ZBTB16: variants seen among roughly 807,000 people sequenced by gnomAD.
The protein encoded by ZBTB16 is zinc finger and BTB domain-containing protein 16.
In ZBTB16, 8 loss-of-function variants were observed where a neutral mutation model predicts 56.8. The ratio of observed to expected loss-of-function variants is 0.14; its 90% CI spans 0.08 to 0.25. ZBTB16 has a LOEUF of 0.25. Among genes scored for constraint, ZBTB16 ranks in the 10% least tolerant of loss-of-function variants. ZBTB16 has a pLI of 1.00. For missense variants in ZBTB16, 625 were observed against 903.0 expected (o/e 0.69, Z 3.95); for synonymous variants, 363 against 368.5 (o/e 0.98, Z 0.17).
rs576270034 is a variant in ZBTB16 at position 114,217,488 on chromosome 11, T to G, written c.1454-24679T>G. On this transcript the variant is annotated intron_variant, in intron 4 of 6. Transcript: ENST00000335953. ...GTGACGTCCAGGCATCTAGCTCGAG[T>G]GACCAAGAGGATGTTAGTGCTGACA... Among the ~76,000 whole-genome samples, 6 of 152,142 alleles carry G rather than the reference T, an allele frequency of 3.9e-5. No homozygotes were observed. In the South Asian group the frequency reaches 1.0e-3, roughly 26 times the overall value.
rs1938782067 is a variant in ZBTB16, at chr11:114,060,476, A to C, written c.-91+594A>C. On this transcript the variant is annotated intron_variant, in intron 1 of 6. Transcript: ENST00000335953. The surrounding 1 kb of genome is among the most constrained non-coding windows in gnomAD (Gnocchi z 6.0). ...GACTTGATCCCCACCCCCCTTTTGC[A>C]GGGGAGGGAGGGAAGCTCCAGAGGG... 6.6e-6 allele frequency: 1 copy of C among 151,638 alleles called. No homozygotes were observed. Among genetic ancestry groups the C allele is most frequent in the African/African-American group, 2.4e-5 (1 of 41,240 alleles). 9.4% of individuals were successfully genotyped at this position (151,638 alleles called of 1,614,324 possible). A position where few individuals can be genotyped will look rare whatever the true frequency, so the allele number is the denominator to read the frequency against.
intron 4 of ZBTB16, among the ~76,000 whole-genome samples, chr11:114,203,452 T>A (rs953674915): frequency 6.6e-6 from 1 of 151,646 alleles, no homozygotes; most frequent in African/African-American, 2.4e-5. Context: ...CTTTGGGAGG[T>A]TGAGGCAGAA....
At chr11:114,204,583 C>G (rs1224690941) in intron 4 of ZBTB16, among the ~76,000 whole-genome samples, 1 of 152,106 alleles carries the variant, frequency 6.6e-6, no homozygotes, top group African/African-American at 2.4e-5. Flanking sequence ...TCGTTTTTTT[C>G]TCCCCATGAT....
chr11:114,179,280 TAGAG>T (rs113097570), intron 3 of ZBTB16, among the ~76,000 whole-genome samples: 1 of 149,708 alleles, frequency 6.7e-6, no homozygotes, highest in Admixed American at 6.6e-5. Flanking sequence ...GAGAGAGAGC[TAGAG>T]AGAGAGAGAG....
chr11:114,212,949 C>T (rs374156871), intron 4 of ZBTB16, among the ~76,000 whole-genome samples: 1 of 152,040 alleles, frequency 6.6e-6, no homozygotes, highest in East Asian at 1.9e-4. Flanking sequence ...CAACCTTCAT[C>T]ACTGGATGGT....
At chr11:114,113,062 G>A (rs907904089) in intron 2 of ZBTB16, among the ~76,000 whole-genome samples, 3 of 152,074 alleles carry the variant, frequency 2.0e-5, no homozygotes, top group Non-Finnish European at 4.4e-5. Context: ...TGCATGAGCC[G>A]CTGCACCCAG....
intron 2 of ZBTB16, among the ~76,000 whole-genome samples, chr11:114,123,551 T>G (rs764786827): frequency 6.6e-6 from 1 of 152,130 alleles, no homozygotes; most frequent in African/African-American, 2.4e-5. Context: ...GTGTATGTAA[T>G]TAGAGAGGAC....
Position 114,100,686 on chromosome 11 carries a change from C to T in ZBTB16, c.1268+36118C>T, listed in dbSNP as rs1039830349. On this transcript the variant is annotated intron_variant, in intron 2 of 6. Coordinates refer to ENST00000335953, the MANE Select transcript of ZBTB16 (RefSeq NM_006006.6). ...CTTTCCTCTTGCGTTTACTCAGGCA[C>T]AGATGGAAAAAGATGAAACTCAATG... is the stretch of plus-strand genomic sequence containing the variant. Among the ~76,000 whole-genome samples, 5 of 152,094 alleles carry T rather than the reference C, an allele frequency of 3.3e-5. No individual in the cohort carries two copies. In the East Asian group the frequency reaches 7.7e-4, roughly 23 times the overall value.
intron 2 of ZBTB16, among the ~76,000 whole-genome samples, chr11:114,067,367 C>T (rs1042000642): frequency 5.3e-5 from 8 of 152,138 alleles, no homozygotes; most frequent in East Asian, 1.9e-4. Context: ...TGGAATCCTC[C>T]GTGTCACATG....
rs117928729 is a variant in ZBTB16, at chr11:114,242,225, A to G, written c.1512A>G (p.Ala504=). 5.0e-6 allele frequency: 8 copies of G among 1,613,968 alleles called. No individual in the cohort carries two copies. Among genetic ancestry groups the G allele is most frequent in the East Asian group, 2.2e-5 (1 of 44,886 alleles). ...LCGKRFQAQS[A]LQQHMEVHAG... ...GGAAGCGCTTCCAGGCGCAGAGCGC[A>G]CTGCAGCAGCACATGGAGGTCCACG... Residue 504 remains alanine, a synonymous_variant, in exon 5 of 7, where the codon GCA becomes GCG. Transcript: ENST00000335953.
At chr11:114,201,970 G>T (rs1943747126) in intron 4 of ZBTB16, among the ~76,000 whole-genome samples, 1 of 152,208 alleles carries the variant, frequency 6.6e-6, no homozygotes, top group Admixed American at 6.5e-5. Flanking sequence ...AGAAAAGGCT[G>T]CAAGTACAAA....
chr11:114,151,696 C>G (rs927002720), intron 2 of ZBTB16, among the ~76,000 whole-genome samples: 3 of 152,248 alleles, frequency 2.0e-5, no homozygotes, highest in Admixed American at 6.5e-5. Context: ...ACCCCTCTCT[C>G]TCAGCTAGGT....
At chr11:114,154,933 G>A (rs1942369872) in intron 2 of ZBTB16, among the ~76,000 whole-genome samples, 1 of 152,174 alleles carries the variant, frequency 6.6e-6, no homozygotes, top group Non-Finnish European at 1.5e-5. Context: ...GTGGCTCTAG[G>A]GAGGCTCACC....
At chr11:114,146,863 A>AC (rs1464975745) in intron 2 of ZBTB16, among the ~76,000 whole-genome samples, 3 of 151,956 alleles carry the variant, frequency 2.0e-5, no homozygotes, top group African/African-American at 7.3e-5. Flanking sequence ...AAAAAAAAAA[A>AC]AAACCAAAAC....
At chr11:114,094,645 C>T (rs1226254494) in intron 2 of ZBTB16, among the ~76,000 whole-genome samples, 2 of 152,212 alleles carry the variant, frequency 1.3e-5, no homozygotes, top group Admixed American at 1.3e-4. Context: ...GTGGTCCACA[C>T]AGTGCTTTCG....
At chr11:114,207,763 G>A (rs574956468) in intron 4 of ZBTB16, among the ~76,000 whole-genome samples, 6 of 152,160 alleles carry the variant, frequency 3.9e-5, no homozygotes, top group Non-Finnish European at 8.8e-5. Context: ...ACAGGCATGC[G>A]ACACCACACC....
chr11:114,212,329 A>T (rs1297426895), intron 4 of ZBTB16, among the ~76,000 whole-genome samples: 2 of 152,128 alleles, frequency 1.3e-5, no homozygotes, highest in South Asian at 2.1e-4. Flanking sequence ...AGAAAGAAAG[A>T]AAGTAAGGGG....
At chr11:114,209,216 G>C (rs768545977) in intron 4 of ZBTB16, among the ~76,000 whole-genome samples, 1 of 152,206 alleles carries the variant, frequency 6.6e-6, no homozygotes, top group Admixed American at 6.5e-5. Flanking sequence ...TTGGAAGCAG[G>C]AGGAGGAGAC....
chr11:114,135,017 A>G (rs562647652), intron 2 of ZBTB16, among the ~76,000 whole-genome samples: 1 of 152,358 alleles, frequency 6.6e-6, no homozygotes, highest in South Asian at 2.1e-4. Context: ...CCCATGGAAG[A>G]TGCAAGAATG....
Sources: gnomAD v4.1 joint callset for allele counts (sites outside exome capture counted in the v4.1 genomes callset) on GRCh38, gnomAD v4.1.1 for gene constraint, Gnocchi (gnomAD v3.1) non-coding constraint, MANE v1.5 for transcripts, NCBI Gene and HGNC (gene_info 2026-07-23, HGNC 2026-07-21) for gene names.